SLIT2: variants seen among roughly 807,000 people sequenced by gnomAD.
SLIT2 encodes the protein slit guidance ligand 2.
SLIT2 carries 41 observed loss-of-function variants against 185.7 expected under a neutral mutation model. The observed-to-expected ratio is 0.22, with a 90% CI of 0.17 to 0.29. The LOEUF is 0.29. Among genes scored for constraint, SLIT2 ranks in the 10% least tolerant of loss-of-function variants. The probability of loss-of-function intolerance (pLI) is 1.00; values close to 1 mark genes in which losing one functional copy is unlikely to be tolerated. For missense variants in SLIT2, 1,571 were observed against 1,909.0 expected (o/e 0.82, Z 3.30); for synonymous variants, 693 against 680.2 (o/e 1.02, Z -0.29).
At chr4:20,396,381 A>C (rs73238789) in intron 4 of SLIT2, among the ~76,000 whole-genome samples, 33,864 of 151,614 alleles carry the variant, frequency 0.22, 3,992 homozygotes, top group Non-Finnish European at 0.28. Flanking sequence ...TTTCTCCACT[A>C]CCACAAGACT....
chr4:20,313,399 C>G (rs1301350702), intron 4 of SLIT2, among the ~76,000 whole-genome samples: 4 of 152,094 alleles, frequency 2.6e-5, no homozygotes, highest in Non-Finnish European at 4.4e-5. Context: ...CCAGAATCCA[C>G]TCATCACCAA....
At chr4:20,570,735 A>ATG (rs1553842932) in intron 29 of SLIT2, among the ~76,000 whole-genome samples, 1 of 19,838 alleles carries the variant, frequency 5.0e-5, no homozygotes, top group Admixed American at 6.0e-4. Context: ...ATATATGTAT[A>ATG]TATATATATA....
intron 4 of SLIT2, among the ~76,000 whole-genome samples, chr4:20,424,192 CA>C (rs1238526034): frequency 6.6e-6 from 1 of 152,084 alleles, no homozygotes; most frequent in African/African-American, 2.4e-5. Context: ...CAAGTTAGTA[CA>C]AACTAACCAT....
chr4:20,323,322 AT>A (rs1719267251), intron 4 of SLIT2, among the ~76,000 whole-genome samples: 1 of 152,196 alleles, frequency 6.6e-6, no homozygotes, highest in African/African-American at 2.4e-5. Context: ...AAAAGAGTGG[AT>A]TCTGTCTTTG....
At chr4:20,422,121 G>GT (rs1728215897) in intron 4 of SLIT2, among the ~76,000 whole-genome samples, 1 of 152,096 alleles carries the variant, frequency 6.6e-6, no homozygotes, top group African/African-American at 2.4e-5. Context: ...TCATCTCAAT[G>GT]AGATGACTCA....
intron 6 of SLIT2, among the ~76,000 whole-genome samples, chr4:20,485,178 T>C (rs1043347997): frequency 6.6e-6 from 1 of 152,186 alleles, no homozygotes; most frequent in Non-Finnish European, 1.5e-5. Context: ...CCGGGATAAC[T>C]TCTACCACTT....
At chr4:20,301,412 T>A (rs1294816043) in intron 4 of SLIT2, among the ~76,000 whole-genome samples, 1 of 152,160 alleles carries the variant, frequency 6.6e-6, no homozygotes, top group Non-Finnish European at 1.5e-5. Flanking sequence ...CGTTAGATTC[T>A]TGTTATACCC....
Position 20,620,337 on chromosome 4 carries a change from C to G in SLIT2, c.*1328C>G. 2.4e-6 allele frequency: 1 copy of G among 423,428 alleles called. No homozygotes were observed. The highest frequency in any genetic ancestry group is 4.6e-6 in the Non-Finnish European group (1 of 216,892). 26.2% of individuals were successfully genotyped at this position (423,428 alleles called of 1,614,324 possible). Reference sequence around the variant, plus strand: ...TGCTCCCATGTTAACATGTTTGCTGCTAAATTACAATGTAGAATTGATAAT... The same window carrying G: ...TGCTCCCATGTTAACATGTTTGCTGGTAAATTACAATGTAGAATTGATAAT... On this transcript the variant is annotated 3_prime_UTR_variant, in exon 37 of 37. Transcript: ENST00000504154.
intron 4 of SLIT2, among the ~76,000 whole-genome samples, chr4:20,374,266 A>G (rs751292620): frequency 5.3e-5 from 8 of 152,140 alleles, no homozygotes; most frequent in Non-Finnish European, 1.2e-4. Context: ...ATATCAAAGT[A>G]CTATGAAGTG....
At chr4:20,488,193 G>T (rs1717429935) in intron 7 of SLIT2, among the ~76,000 whole-genome samples, 1 of 152,160 alleles carries the variant, frequency 6.6e-6, no homozygotes, top group Non-Finnish European at 1.5e-5. Flanking sequence ...AGACATTTGT[G>T]CCTTTTAATT....
chr4:20,290,329 A>G (rs1715673114), intron 4 of SLIT2, among the ~76,000 whole-genome samples: 1 of 152,228 alleles, frequency 6.6e-6, no homozygotes, highest in Admixed American at 6.5e-5. Flanking sequence ...AAAAATGAAA[A>G]AGAAATGAAA....
At chr4:20,511,587 A>ATTTTTTTTTTTTTTTTTAT (rs759622666) in intron 11 of SLIT2, among the ~76,000 whole-genome samples, 3 of 82,216 alleles carry the variant, frequency 3.6e-5, no homozygotes, top group African/African-American at 1.5e-4. Context: ...CATCCAGCTA[A>ATTTTTTTTTTTTTTTTTAT]TTTTTTTTTT....
At chr4:20,346,737 G>T (rs980873916) in intron 4 of SLIT2, among the ~76,000 whole-genome samples, 2 of 152,184 alleles carry the variant, frequency 1.3e-5, no homozygotes, top group Non-Finnish European at 2.9e-5. Flanking sequence ...GTGGCCAAAG[G>T]CCTGAGAGCC....
chr4:20,283,582 A>G (rs1414411446), intron 4 of SLIT2, among the ~76,000 whole-genome samples: 1 of 152,176 alleles, frequency 6.6e-6, no homozygotes, highest in African/African-American at 2.4e-5. Flanking sequence ...TCACCAGGAC[A>G]CTTAATATTA....
At position 20,598,258 on chromosome 4, in the gene SLIT2, C is replaced by A; in HGVS notation, c.3562-7C>A. ...ATCCTAGTAATGCCAGGGTTACTTT[C>A]TACTAGATTGCCACAGATGAAGACA... On this transcript the variant is annotated splice_region_variant and splice_polypyrimidine_tract_variant and intron_variant, in intron 32 of 36. Coordinates refer to ENST00000504154, the MANE Select transcript of SLIT2 (RefSeq NM_004787.4). The A allele has an allele frequency of 6.2e-7, 1 of 1,613,704 alleles. No individual in the cohort carries two copies. Among genetic ancestry groups the A allele is most frequent in the East Asian group, 2.2e-5 (1 of 44,852 alleles).
At chr4:20,342,713 C>A (rs553634401) in intron 4 of SLIT2, among the ~76,000 whole-genome samples, 1 of 135,436 alleles carries the variant, frequency 7.4e-6, no homozygotes, top group African/African-American at 2.8e-5. Context: ...CATCGACTAT[C>A]GCACTTTTTT....
intron 11 of SLIT2, among the ~76,000 whole-genome samples, chr4:20,514,135 A>G (rs1719988384): frequency 6.6e-6 from 1 of 152,202 alleles, no homozygotes. Context: ...AGTTTACTAC[A>G]AAAACCATGC....
intron 4 of SLIT2, among the ~76,000 whole-genome samples, chr4:20,421,215 T>C (rs1177676672): frequency 6.6e-6 from 1 of 152,200 alleles, no homozygotes; most frequent in Non-Finnish European, 1.5e-5. Flanking sequence ...TTGAAAAATA[T>C]GTATCAGACT....
intron 9 of SLIT2, among the ~76,000 whole-genome samples, chr4:20,508,032 A>G (rs1031748812): frequency 8.5e-5 from 13 of 152,196 alleles, no homozygotes; most frequent in Middle Eastern, 3.4e-3. Flanking sequence ...CAATAAAGTA[A>G]CAGGCAAATG....
Sources: allele counts gnomAD v4.1 joint callset (sites outside exome capture counted in the v4.1 genomes callset), GRCh38; gene constraint gnomAD v4.1.1; transcripts MANE v1.5; gene names NCBI Gene and HGNC (gene_info 2026-07-23, HGNC 2026-07-21).